The following CDH18 variants were observed in gnomAD, a reference collection of about 807,000 sequenced individuals.
CDH18 encodes the protein cadherin 18.
CDH18 carries 31 observed loss-of-function variants against 67.9 expected under a neutral mutation model. The observed-to-expected ratio is 0.46, with a 90% CI of 0.34 to 0.62. The LOEUF is 0.62. Ranked by LOEUF, CDH18 falls within the 20% of genes least tolerant of loss-of-function variation. CDH18 has a pLI of 0.01. For missense variants in CDH18, 890 were observed against 975.5 expected (o/e 0.91, Z 1.17); for synonymous variants, 362 against 347.2 (o/e 1.04, Z -0.48).
chr5:20,235,743 A>G (rs1742429959), intron 2 of CDH18, among the ~76,000 whole-genome samples: 1 of 152,188 alleles, frequency 6.6e-6, no homozygotes, highest in African/African-American at 2.4e-5. Flanking sequence ...TGAGAATTGA[A>G]CTACCATTTG....
intron 2 of CDH18, among the ~76,000 whole-genome samples, chr5:19,921,434 G>GCT (rs564812418): frequency 0.012 from 1,882 of 151,620 alleles, 53 homozygotes; most frequent in African/African-American, 0.043. Flanking sequence ...GGGAGGCTGA[G>GCT]ACAGGAGAAT....
At chr5:19,886,130 C>A (rs1788164903) in intron 2 of CDH18, 1 of 152,160 alleles carries the variant, frequency 6.6e-6, no homozygotes, top group Non-Finnish European at 1.5e-5. Flanking sequence ...TGAAGCATCT[C>A]TAATTATCAC....
In CDH18 at chr5:20,390,284, A is replaced by G. The variant is rs183076396; in HGVS notation, c.-579-134779T>C. 1.6e-4 allele frequency among the ~76,000 whole-genome samples: 24 copies of G among 148,622 alleles called. 1 individual carries two copies. The East Asian group carries it at 4.8e-3, about 30-fold the overall frequency. ...CAGAATCCACAGTGAACTCAAACAA[A>G]TTTACAAGAAAAAAACAAACGACTC... On this transcript the variant is annotated intron_variant, in intron 1 of 14. Coordinates refer to the CDH18 transcript ENST00000507958.
At chr5:20,144,526 G>A (rs1750493351) in intron 2 of CDH18, among the ~76,000 whole-genome samples, 1 of 152,126 alleles carries the variant, frequency 6.6e-6, no homozygotes, top group Non-Finnish European at 1.5e-5. Flanking sequence ...ATAAGTCAGA[G>A]CCTGAGTTTC....
intron 1 of CDH18, among the ~76,000 whole-genome samples, chr5:20,301,521 G>A (rs973446855): frequency 2.2e-4 from 34 of 152,016 alleles, no homozygotes; most frequent in Non-Finnish European, 4.7e-4. Context: ...ACCATACTAC[G>A]GGACAAATCA....
intron 2 of CDH18, among the ~76,000 whole-genome samples, chr5:19,912,426 G>T (rs1369132412): frequency 6.6e-6 from 1 of 152,078 alleles, no homozygotes; most frequent in Admixed American, 6.6e-5. Flanking sequence ...CTGTATTGGA[G>T]CAATGAGGCC....
chr5:20,036,569 G>A (rs571237016), intron 2 of CDH18, among the ~76,000 whole-genome samples: 6 of 152,054 alleles, frequency 3.9e-5, no homozygotes, highest in Non-Finnish European at 7.4e-5. Context: ...GCAACGTTAT[G>A]CTTAATATTT....
intron 5 of CDH18, among the ~76,000 whole-genome samples, chr5:19,665,369 A>G (rs947330761): frequency 2.6e-5 from 4 of 152,160 alleles, no homozygotes; most frequent in Admixed American, 2.6e-4. Flanking sequence ...AAATGTTTTA[A>G]TATTAAAATT....
chr5:19,808,764 G>T (rs1323773655), intron 3 of CDH18, among the ~76,000 whole-genome samples: 1 of 146,444 alleles, frequency 6.8e-6, no homozygotes, highest in Non-Finnish European at 1.5e-5. Context: ...CCGGGAGGTG[G>T]AGCTTGTGGT....
chr5:19,594,929 C>T (rs1053049862), intron 6 of CDH18, among the ~76,000 whole-genome samples: 3 of 151,980 alleles, frequency 2.0e-5, no homozygotes, highest in African/African-American at 7.2e-5. Context: ...TACTGGAAGA[C>T]ATAGCCAGAG....
chr5:19,901,321 A>G (rs549414760), intron 2 of CDH18, among the ~76,000 whole-genome samples: 1 of 152,270 alleles, frequency 6.6e-6, no homozygotes, highest in Non-Finnish European at 1.5e-5. Context: ...TCAGTAACAG[A>G]AGAAAATATA....
intron 12 of CDH18, among the ~76,000 whole-genome samples, chr5:19,474,670 G>A (rs1034185148): frequency 1.3e-5 from 2 of 152,008 alleles, no homozygotes; most frequent in Admixed American, 6.6e-5. Context: ...GTGATTTCTC[G>A]CATCACAGGT....
At chr5:19,690,842 A>T (rs1323419502) in intron 5 of CDH18, among the ~76,000 whole-genome samples, 1 of 151,894 alleles carries the variant, frequency 6.6e-6, no homozygotes, top group Non-Finnish European at 1.5e-5. Context: ...GCTGACTTCT[A>T]CCACATGTAT....
At chr5:19,506,845 C>A (rs1332476836) in intron 10 of CDH18, among the ~76,000 whole-genome samples, 1 of 152,152 alleles carries the variant, frequency 6.6e-6, no homozygotes. Context: ...TAGGCATGGG[C>A]AAGGACTTCC....
At chr5:20,268,572 T>C (rs1194043710) in intron 1 of CDH18, among the ~76,000 whole-genome samples, 2 of 152,048 alleles carry the variant, frequency 1.3e-5, no homozygotes, top group Admixed American at 1.3e-4. Flanking sequence ...CCCATCTCTA[T>C]AGCACATTTT....
intron 5 of CDH18, among the ~76,000 whole-genome samples, chr5:19,689,032 G>C (rs751235474): frequency 3.9e-5 from 6 of 151,914 alleles, no homozygotes; most frequent in Non-Finnish European, 1.5e-5. Flanking sequence ...GTCACATATA[G>C]AACATCATAA....
chr5:20,413,845 T>C (rs1003445067), intron 1 of CDH18, among the ~76,000 whole-genome samples: 1 of 152,212 alleles, frequency 6.6e-6, no homozygotes, highest in Non-Finnish European at 1.5e-5. Flanking sequence ...TTTTGGCTTT[T>C]GTTGCCATTG....
intron 2 of CDH18, among the ~76,000 whole-genome samples, chr5:20,225,601 TAA>T (rs1178369389): frequency 6.6e-6 from 1 of 152,120 alleles, no homozygotes; most frequent in Non-Finnish European, 1.5e-5. Flanking sequence ...GAGTGTTCTA[TAA>T]AGAGTGGTGA....
intron 2 of CDH18, among the ~76,000 whole-genome samples, chr5:19,845,215 C>G (rs1782791282): frequency 1.3e-5 from 2 of 152,038 alleles, no homozygotes; most frequent in African/African-American, 2.4e-5. Context: ...GATTCTGTTT[C>G]CTTGTTGGTT....
Sources: gnomAD v4.1 joint callset for allele counts (sites outside exome capture counted in the v4.1 genomes callset) on GRCh38, gnomAD v4.1.1 for gene constraint, MANE v1.5 for transcripts, NCBI Gene and HGNC (gene_info 2026-07-23, HGNC 2026-07-21) for gene names.